Variants in FOXP4 observed in about 807,000 individuals in gnomAD.
FOXP4 encodes forkhead box protein P4.
FOXP4 carries 25 observed loss-of-function variants against 82.6 expected under a neutral mutation model. The ratio of observed to expected loss-of-function variants is 0.30; its 90% CI spans 0.22 to 0.42. FOXP4 has a LOEUF of 0.42. FOXP4 is among the 10% of genes least tolerant of loss of function. The pLI, the probability that FOXP4 is intolerant of heterozygous loss-of-function variation, is 1.00. For missense variants in FOXP4, 785 were observed against 900.9 expected, an observed-to-expected ratio of 0.87 and a Z score of 1.65; for synonymous variants, 415 against 388.2, an observed-to-expected ratio of 1.07 and a Z score of -0.81.
Position 41,590,049 on chromosome 6 carries a change from G to A in FOXP4, c.1236G>A (p.Pro412=), listed in dbSNP as rs763629572. The A allele has an allele frequency of 4.3e-6, 7 of 1,613,708 alleles. No individual in the cohort carries two copies. Among genetic ancestry groups the A allele is most frequent in the Admixed American group, 1.7e-5 (1 of 60,002 alleles). The change falls in exon 11 of 17, where the codon CCG becomes CCA. Residue 412 remains proline, a synonymous_variant. Coordinates refer to ENST00000307972, the MANE Select transcript of FOXP4 (RefSeq NM_001012426.2). ...DSFPDGLVHP[P]TSAAAPVTPL... is the part of the protein sequence containing the mutation. ...TCCCAGATGGTCTCGTGCACCCCCC[G>A]ACCTCGGCCGCAGCCCCTGTCACCC...
chr6:41,569,822 A>G (rs1468771283), intron 2 of FOXP4, among the ~76,000 whole-genome samples: 1 of 152,044 alleles, frequency 6.6e-6, no homozygotes, highest in African/African-American at 2.4e-5. Context: ...AACTGGGCCA[A>G]ATCCCATCCC....
intron 2 of FOXP4, 29 bp from the exon 3 acceptor site, chr6:41,577,957 C>G (rs763073527): frequency 2.3e-5 from 36 of 1,574,628 alleles, no homozygotes; most frequent in Non-Finnish European, 3.0e-5. Flanking sequence ...GCCTCCCAGG[C>G]CATTGCTGAC....
At chr6:41,573,658 G>C (rs1765321263) in intron 2 of FOXP4, among the ~76,000 whole-genome samples, 1 of 152,132 alleles carries the variant, frequency 6.6e-6, no homozygotes, top group African/African-American at 2.4e-5. Flanking sequence ...AGGACCTACT[G>C]GGTGCCTGGC....
At chr6:41,549,425 C>G (rs753667479) in intron 1 of FOXP4, among the ~76,000 whole-genome samples, 1 of 152,122 alleles carries the variant, frequency 6.6e-6, no homozygotes, top group Non-Finnish European at 1.5e-5. Flanking sequence ...CCCCCAGCCC[C>G]CTTCCTCTGC....
At chr6:41,582,152 A>G (rs1284442760) in intron 3 of FOXP4, among the ~76,000 whole-genome samples, 2 of 152,264 alleles carry the variant, frequency 1.3e-5, no homozygotes, top group South Asian at 4.1e-4. Context: ...TCACGTTTAC[A>G]TAGAATTTAA....
Position 41,585,524 on chromosome 6 carries a change from G to A in FOXP4, c.510+7G>A. On this transcript the variant is annotated splice_region_variant and intron_variant, in intron 5 of 16. Coordinates refer to ENST00000307972, the MANE Select transcript of FOXP4 (RefSeq NM_001012426.2). ...GAAACCGCAGCCCAAAGAGGTAAGG[G>A]GCTGTACCAGGGCCCACCACCGCCC... is the stretch of plus-strand genomic sequence containing the variant. 2 of 1,613,024 alleles carry A rather than the reference G, an allele frequency of 1.2e-6. No individual in the cohort carries two copies. The highest frequency in any genetic ancestry group is 8.5e-7 in the Non-Finnish European group (1 of 1,179,544).
At chr6:41,574,851 C>T (rs1398963067) in intron 2 of FOXP4, among the ~76,000 whole-genome samples, 1 of 152,236 alleles carries the variant, frequency 6.6e-6, no homozygotes, top group Non-Finnish European at 1.5e-5. Flanking sequence ...GCCACCACCT[C>T]TGGGAAGCCT....
rs1767063281 is a variant in FOXP4 at position 41,599,032 on chromosome 6, G to C, written c.*96G>C. 1 of 1,441,650 alleles carries C rather than the reference G, an allele frequency of 6.9e-7. No homozygotes were observed. The highest frequency in any genetic ancestry group is 2.9e-5 in the Admixed American group (1 of 35,044). 89.3% of individuals were successfully genotyped at this position (1,441,650 alleles called of 1,614,324 possible). A position where few individuals can be genotyped will look rare whatever the true frequency, so the allele number is the denominator to read the frequency against. On this transcript the variant is annotated 3_prime_UTR_variant, in exon 17 of 17. Coordinates refer to ENST00000307972, the MANE Select transcript of FOXP4 (RefSeq NM_001012426.2). Reference sequence around the variant, plus strand: ...CTCCACAGCCCCTCCCGAGCCTCAAGGCAAGTCCAGGACTCAGACCGGGGA... The same window carrying C: ...CTCCACAGCCCCTCCCGAGCCTCAACGCAAGTCCAGGACTCAGACCGGGGA...
intron 1 of FOXP4, among the ~76,000 whole-genome samples, chr6:41,551,702 C>T (rs1049635120): frequency 6.6e-6 from 1 of 152,310 alleles, no homozygotes; most frequent in Admixed American, 6.5e-5. Flanking sequence ...GGCATTTGTT[C>T]AAGGTAGGCA....
chr6:41,576,678 G>A (rs900795983), intron 2 of FOXP4, among the ~76,000 whole-genome samples: 11 of 152,156 alleles, frequency 7.2e-5, no homozygotes, highest in Non-Finnish European at 1.6e-4. Flanking sequence ...AATACTTCCC[G>A]AATGCCAACT....
At position 41,590,145 on chromosome 6, in the gene FOXP4, C is replaced by T. The variant is rs925226986; in HGVS notation, c.1332C>T (p.Asp444=). 1.2e-6 allele frequency: 2 copies of T among 1,608,422 alleles called. No individual in the cohort carries two copies. Among genetic ancestry groups the T allele is most frequent in the African/African-American group, 2.7e-5 (2 of 74,854 alleles). ...GGGPARRRSS[D]KFCSPISSEL... ...GCCCAGCCCGTCGGAGAAGCAGTGACAAGTTCTGCTCCCCCATCTCCTCAG... is the reference window on the plus strand; with the variant it reads ...GCCCAGCCCGTCGGAGAAGCAGTGATAAGTTCTGCTCCCCCATCTCCTCAG... Residue 444 remains aspartate (D), a synonymous_variant, in exon 11 of 17, where the codon GAC becomes GAT. Transcript: ENST00000307972.
At chr6:41,589,726 A>C in intron 9 of FOXP4, 45 bp from the exon 10 acceptor site, 1 of 1,588,940 alleles carries the variant, frequency 6.3e-7, no homozygotes, top group Non-Finnish European at 8.6e-7. Context: ...CACTGCCTCC[A>C]GGGTTCAGCC....
chr6:41,577,861 C>G, intron 2 of FOXP4, 125 bp from the exon 3 acceptor site: 1 of 646,728 alleles, frequency 1.5e-6, no homozygotes, highest in Non-Finnish European at 2.7e-6. Flanking sequence ...GGACCCATGA[C>G]CCTCTCACCC....
chr6:41,565,377 C>G (rs900031017), intron 1 of FOXP4, among the ~76,000 whole-genome samples: 1 of 152,074 alleles, frequency 6.6e-6, no homozygotes, highest in African/African-American at 2.4e-5. Context: ...AACAAACAAA[C>G]AAACAAAAAA....
chr6:41,583,193 G>A (rs75569095), intron 3 of FOXP4, among the ~76,000 whole-genome samples: 14,882 of 152,314 alleles, frequency 0.098, 914 homozygotes, highest in South Asian at 0.14. Context: ...GTAAAGCCCA[G>A]GGGCAGGGAC....
chr6:41,584,977 A>G (rs1766021447), intron 4 of FOXP4, 86 bp downstream of exon 4: 24 of 1,460,974 alleles, frequency 1.6e-5, no homozygotes, highest in Non-Finnish European at 2.1e-5. Context: ...CAAGGGCCCA[A>G]GCTGTCCCAG....
chr6:41,573,796 G>A (rs1765328360), intron 2 of FOXP4, among the ~76,000 whole-genome samples: 1 of 152,108 alleles, frequency 6.6e-6, no homozygotes, highest in South Asian at 2.1e-4. Context: ...ACTTGCCCAA[G>A]GTTACCCAGC....
In FOXP4 at chr6:41,594,872, C is replaced by T. The variant is rs143123231; in HGVS notation, c.1539C>T (p.Asn513=). ...YFRRNTATWK[N]AVRHNLSLHK... ...GCTCCTCTTCACTGCACCCACAGAA[C>T]GCCGTGCGCCACAACCTCAGCCTGC... is the stretch of plus-strand genomic sequence containing the variant. Residue 513 remains asparagine, a splice_region_variant and synonymous_variant, in exon 14 of 17, where the codon AAC becomes AAT. Transcript: ENST00000307972. The T allele has an allele frequency of 4.8e-5, 78 of 1,613,874 alleles. No homozygotes were observed. Among genetic ancestry groups the T allele is most frequent in the African/African-American group, 2.9e-4 (22 of 74,940 alleles).
chr6:41,587,496 A>T lies in FOXP4; in HGVS notation c.856A>T (p.Thr286Ser). ...GCCCAACGGACAGCCTACTGTGCTC[A>T]CATCTCGGAGAGACAGGTACAGGGG... ...TLPNGQPTVL[T>S]SRRDSSSHEE... Residue 286 changes from threonine (T) to serine (S), a missense_variant, in exon 7 of 17, where the codon ACA becomes TCA. By Grantham distance (58) the Thr-to-Ser change is moderately conservative. Coordinates refer to ENST00000307972, the MANE Select transcript of FOXP4 (RefSeq NM_001012426.2). The T allele has an allele frequency of 2.0e-6, 3 of 1,523,480 alleles. No homozygotes were observed. The highest frequency in any genetic ancestry group is 2.6e-6 in the Non-Finnish European group (3 of 1,135,524). The allele number at this position is 1,523,480 out of a possible 1,614,324, so 94.4% of individuals were successfully genotyped here.
Sources: allele counts gnomAD v4.1 joint callset (sites outside exome capture counted in the v4.1 genomes callset), GRCh38; gene constraint gnomAD v4.1.1; transcripts MANE v1.5; gene names NCBI Gene and HGNC (gene_info 2026-07-23, HGNC 2026-07-21).